NAV3: variants seen among roughly 807,000 people sequenced by gnomAD.
The protein encoded by NAV3 is neuron navigator 3.
In NAV3, 87 loss-of-function variants were observed where a neutral mutation model predicts 244.7. The ratio of observed to expected loss-of-function variants is 0.36; its 90% CI spans 0.30 to 0.42. The LOEUF is 0.42. Ranked by LOEUF, NAV3 falls within the 20% of genes least tolerant of loss-of-function variation. The pLI is 1.00. For missense variants in NAV3, 2,663 were observed against 2,893.3 expected (o/e 0.92, Z 1.83); for synonymous variants, 1,126 against 1,042.2 (o/e 1.08, Z -1.55).
At chr12:78,110,084 A>T (rs1489438304) in intron 12 of NAV3, among the ~76,000 whole-genome samples, 1 of 152,116 alleles carries the variant, frequency 6.6e-6, no homozygotes, top group Non-Finnish European at 1.5e-5. Flanking sequence ...TTGATTAATT[A>T]ATTTAGTAAA....
At chr12:77,582,669 C>A (rs1393808214) in intron 2 of NAV3, among the ~76,000 whole-genome samples, 1 of 152,216 alleles carries the variant, frequency 6.6e-6, no homozygotes, top group African/African-American at 2.4e-5. Context: ...AGATAACCCA[C>A]AAGGCTTGGC....
intron 2 of NAV3, among the ~76,000 whole-genome samples, chr12:77,822,348 T>G (rs2136035077): frequency 6.6e-6 from 1 of 152,330 alleles, no homozygotes; most frequent in South Asian, 2.1e-4. Flanking sequence ...CTTTTATGTT[T>G]TAGCCAGCTA....
At chr12:78,181,658 A>T (rs1358224797) in intron 30 of NAV3, among the ~76,000 whole-genome samples, 3 of 152,076 alleles carry the variant, frequency 2.0e-5, no homozygotes, top group African/African-American at 7.2e-5. Context: ...GGAACAGTTC[A>T]TTCAAGAGAA....
At chr12:77,632,251 A>G (rs1471417568) in intron 2 of NAV3, among the ~76,000 whole-genome samples, 1 of 152,172 alleles carries the variant, frequency 6.6e-6, no homozygotes, top group Non-Finnish European at 1.5e-5. Context: ...GTTCTTTGTA[A>G]AAAAGTTTAA....
intron 1 of NAV3, among the ~76,000 whole-genome samples, chr12:77,837,302 C>G (rs1363590678): frequency 6.6e-6 from 1 of 151,008 alleles, no homozygotes; most frequent in Non-Finnish European, 1.5e-5. Flanking sequence ...ATAAATGAAG[C>G]ATAATATTTA....
At chr12:77,877,830 T>C (rs948032603) in intron 1 of NAV3, among the ~76,000 whole-genome samples, 2 of 151,962 alleles carry the variant, frequency 1.3e-5, no homozygotes, top group Non-Finnish European at 2.9e-5. Context: ...AAAAATAACT[T>C]TACAGTGGAG....
chr12:77,723,684 A>G (rs1446573117), intron 2 of NAV3, among the ~76,000 whole-genome samples: 3 of 149,342 alleles, frequency 2.0e-5, no homozygotes, highest in Non-Finnish European at 4.4e-5. Context: ...GAAGATCCTG[A>G]TCCATAGTTA....
chr12:77,707,833 T>G (rs1265413265), intron 2 of NAV3, among the ~76,000 whole-genome samples: 3 of 152,354 alleles, frequency 2.0e-5, no homozygotes, highest in African/African-American at 7.2e-5. Context: ...CATTTTTTCA[T>G]GTGTCTGTTG....
chr12:78,185,194 C>T (rs1367922495), intron 30 of NAV3, among the ~76,000 whole-genome samples: 1 of 151,702 alleles, frequency 6.6e-6, no homozygotes, highest in Non-Finnish European at 1.5e-5. Flanking sequence ...AGCACCTTTA[C>T]ATTTATAAAT....
chr12:77,745,561 C>T (rs563358638), intron 2 of NAV3, among the ~76,000 whole-genome samples: 1 of 152,106 alleles, frequency 6.6e-6, no homozygotes, highest in South Asian at 2.1e-4. Context: ...GGACCATAAT[C>T]TCTGGAAATT....
chr12:78,065,747 A>T (rs117932407), intron 12 of NAV3, among the ~76,000 whole-genome samples: 13 of 152,236 alleles, frequency 8.5e-5, no homozygotes, highest in Admixed American at 7.9e-4. Context: ...GGAGATCTTC[A>T]GGAAAGTTGC....
chr12:77,758,355 C>G lies in NAV3; in HGVS notation c.73-181964C>G, dbSNP rs1016128381. On this transcript the variant is annotated intron_variant, in intron 2 of 8. Coordinates refer to the NAV3 transcript ENST00000550042. ...AACAGAGACTATTTTGTTCATTGTA[C>G]AGCCTAGTACCTACAATGTTAGTTG... Among the ~76,000 whole-genome samples, 3 of 152,048 alleles carry G rather than the reference C, an allele frequency of 2.0e-5. No homozygotes were observed. In the South Asian group the frequency reaches 6.2e-4, roughly 31 times the overall value.
At chr12:77,709,822 G>T (rs986315572) in intron 2 of NAV3, among the ~76,000 whole-genome samples, 2 of 152,148 alleles carry the variant, frequency 1.3e-5, no homozygotes, top group Admixed American at 6.5e-5. Flanking sequence ...GCATAGAGTA[G>T]ATACTTAGTT....
Position 78,148,898 on chromosome 12 carries a change from C to T in NAV3, c.4764C>T (p.Leu1588=), listed in dbSNP as rs1173454577. 7.4e-6 allele frequency: 12 copies of T among 1,612,452 alleles called. No homozygotes were observed. The highest frequency in any genetic ancestry group is 2.2e-5 in the East Asian group (1 of 44,730). Residue 1588 remains leucine (L), a synonymous_variant, in exon 22 of 40, where the codon CTC becomes CTT. Transcript: ENST00000397909. ...LVASQEKVAT[L]TSQLSANAHL... ...CATCACAAGAAAAAGTTGCTACCCT[C>T]ACATCTCAGCTTTCAGCAAATGTAA...
chr12:78,080,986 A>G (rs1953317180), intron 12 of NAV3, among the ~76,000 whole-genome samples: 1 of 152,244 alleles, frequency 6.6e-6, no homozygotes, highest in South Asian at 2.1e-4. Flanking sequence ...GGTGTGTTTT[A>G]GAGATCGTAT....
At chr12:77,806,243 T>A (rs929058582) in intron 2 of NAV3, among the ~76,000 whole-genome samples, 4 of 152,192 alleles carry the variant, frequency 2.6e-5, no homozygotes, top group Non-Finnish European at 5.9e-5. Flanking sequence ...CTCTAGTTCT[T>A]TTAATTGTGA....
At chr12:77,664,568 C>T (rs1219242666) in intron 2 of NAV3, among the ~76,000 whole-genome samples, 1 of 152,098 alleles carries the variant, frequency 6.6e-6, no homozygotes, top group African/African-American at 2.4e-5. Flanking sequence ...TAGTACTCTG[C>T]TAAAGTCACA....
Position 77,727,313 on chromosome 12 carries a change from G to T in NAV3, c.72+155047G>T, listed in dbSNP as rs567019329. ...GAGTGTAGTCAAGGCCTGATAGTTT[G>T]TTGTGGGCTGGAGCTTTATCTGTGG... On this transcript the variant is annotated intron_variant, in intron 2 of 8. Coordinates refer to the NAV3 transcript ENST00000550042. Among the ~76,000 whole-genome samples, 13 of 152,018 alleles carry T rather than the reference G, an allele frequency of 8.6e-5. No individual in the cohort carries two copies. The South Asian group carries it at 2.5e-3, about 29-fold the overall frequency.
At chr12:77,789,352 C>A (rs1275507711) in intron 2 of NAV3, among the ~76,000 whole-genome samples, 1 of 152,116 alleles carries the variant, frequency 6.6e-6, no homozygotes, top group Non-Finnish European at 1.5e-5. Flanking sequence ...TACTGAACTT[C>A]TTTCTTTTCC....
Sources: allele counts gnomAD v4.1 joint callset (sites outside exome capture counted in the v4.1 genomes callset), GRCh38; gene constraint gnomAD v4.1.1; transcripts MANE v1.5; gene names NCBI Gene and HGNC (gene_info 2026-07-23, HGNC 2026-07-21).